TSNARE1: variants seen among roughly 807,000 people sequenced by gnomAD.
The protein encoded by TSNARE1 is t-SNARE domain-containing protein 1.
TSNARE1 carries 49 observed loss-of-function variants against 62.0 expected under a neutral mutation model. That is an observed-to-expected ratio of 0.79 (90% CI 0.63 to 1.00). TSNARE1 has a LOEUF of 1.00. Among genes scored for constraint, TSNARE1 ranks in the 50% least tolerant of loss-of-function variants. The pLI, the probability that TSNARE1 is intolerant of heterozygous loss-of-function variation, is 0.00. For missense variants in TSNARE1, 755 were observed against 700.1 expected (o/e 1.08, Z -0.88); for synonymous variants, 328 against 294.4 (o/e 1.11, Z -1.17).
At chr8:142,327,085 C>T (rs560252800) in intron 6 of TSNARE1, among the ~76,000 whole-genome samples, 2 of 152,304 alleles carry the variant, frequency 1.3e-5, no homozygotes, top group African/African-American at 4.8e-5. Flanking sequence ...CAAAGAGCCA[C>T]CGTATAACCC....
At chr8:142,329,401 G>A (rs548730962) in intron 6 of TSNARE1, among the ~76,000 whole-genome samples, 26 of 152,324 alleles carry the variant, frequency 1.7e-4, no homozygotes, top group South Asian at 1.0e-3. Flanking sequence ...TAACCAGGCC[G>A]GGCGGCCCAG....
chr8:142,327,285 T>C (rs1830405211), intron 6 of TSNARE1, among the ~76,000 whole-genome samples: 1 of 152,012 alleles, frequency 6.6e-6, no homozygotes, highest in South Asian at 2.1e-4. Context: ...AGCTGGTGAA[T>C]AGGTCTGTCC....
At chr8:142,227,863 T>C (rs952429096) in intron 13 of TSNARE1, among the ~76,000 whole-genome samples, 1 of 152,248 alleles carries the variant, frequency 6.6e-6, no homozygotes, top group African/African-American at 2.4e-5. Context: ...AGATAATGGA[T>C]GTACAACACA....
chr8:142,366,239 T>C (rs1835541357), intron 1 of TSNARE1, among the ~76,000 whole-genome samples: 1 of 152,130 alleles, frequency 6.6e-6, no homozygotes, highest in African/African-American at 2.4e-5. Context: ...GGTTTCACCA[T>C]GTTAGCCAAG....
intron 10 of TSNARE1, among the ~76,000 whole-genome samples, chr8:142,288,475 C>T (rs1823159698): frequency 6.6e-6 from 1 of 152,262 alleles, no homozygotes; most frequent in South Asian, 2.1e-4. Context: ...GATTTTCCAT[C>T]TCATCGCCGA....
chr8:142,375,076 G>C (rs1267449076), intron 1 of TSNARE1, among the ~76,000 whole-genome samples: 1 of 152,240 alleles, frequency 6.6e-6, no homozygotes, highest in Non-Finnish European at 1.5e-5. Flanking sequence ...TACCCAACCA[G>C]AAGAAACAGA....
At chr8:142,280,688 C>T (rs1054494669) in intron 11 of TSNARE1, among the ~76,000 whole-genome samples, 3 of 152,150 alleles carry the variant, frequency 2.0e-5, no homozygotes. Flanking sequence ...ACTGGGTGGG[C>T]ACCTGAAGTG....
chr8:142,305,213 G>T (rs996880930), intron 9 of TSNARE1, among the ~76,000 whole-genome samples: 1 of 152,198 alleles, frequency 6.6e-6, no homozygotes, highest in Admixed American at 6.5e-5. Context: ...GGGGGTTTCA[G>T]TGACAGCTCC....
chr8:142,381,424 C>A (rs1271169489), intron 1 of TSNARE1, among the ~76,000 whole-genome samples: 1 of 152,092 alleles, frequency 6.6e-6, no homozygotes, highest in Admixed American at 6.5e-5. Flanking sequence ...CGGCCTCCCC[C>A]TTCCAGCACC....
At position 142,284,500 on chromosome 8, in the gene TSNARE1, T is replaced by C. The variant is rs111785090; in HGVS notation, c.1291-15A>G. The C allele has an allele frequency of 4.0e-5, 64 of 1,610,740 alleles. No homozygotes were observed. In the African/African-American group the frequency reaches 5.3e-4, roughly 13 times the overall value. On this transcript the variant is annotated splice_polypyrimidine_tract_variant and intron_variant, in intron 10 of 13. Transcript: ENST00000524325. Reference sequence around the variant, plus strand: ...AGCAAGTTGCTCTGTGGAAACAACATAGAACCACATCAGGAGCAGGGCTGT... The same window carrying C: ...AGCAAGTTGCTCTGTGGAAACAACACAGAACCACATCAGGAGCAGGGCTGT...
intron 1 of TSNARE1, among the ~76,000 whole-genome samples, chr8:142,384,431 C>A (rs1198559487): frequency 6.6e-6 from 1 of 152,264 alleles, no homozygotes; most frequent in East Asian, 1.9e-4. Context: ...TCAAAACACG[C>A]TACAAAGCTA....
intron 11 of TSNARE1, chr8:142,277,963 T>C (rs999145210): frequency 6.5e-5 from 64 of 985,110 alleles, no homozygotes; most frequent in Non-Finnish European, 7.6e-5. Flanking sequence ...CCAAACCAGG[T>C]CTGCCTCTGC....
chr8:142,227,873 A>C (rs1173702715), intron 13 of TSNARE1, among the ~76,000 whole-genome samples: 1 of 152,236 alleles, frequency 6.6e-6, no homozygotes, highest in East Asian at 1.9e-4. Flanking sequence ...TGTACAACAC[A>C]TGGCCTGGCA....
chr8:142,318,783 C>T, intron 6 of TSNARE1, 149 bp from the exon 7 acceptor site: 1 of 662,004 alleles, frequency 1.5e-6, no homozygotes, highest in Admixed American at 2.6e-5. Flanking sequence ...GGCCGAGAGA[C>T]ACACAGAGAC....
chr8:142,331,043 C>A (rs1830956415), intron 5 of TSNARE1, 73 bp from the exon 6 acceptor site: 1 of 1,357,782 alleles, frequency 7.4e-7, no homozygotes, highest in Non-Finnish European at 1.0e-6. Context: ...TATGGGTGGC[C>A]CCACTGCAGC....
intron 13 of TSNARE1, among the ~76,000 whole-genome samples, chr8:142,222,210 C>T (rs62650711): frequency 3.7e-3 from 82 of 22,232 alleles, no homozygotes; most frequent in Middle Eastern, 0.031. Context: ...ACTCACTCAT[C>T]CGCTCATTCA....
intron 1 of TSNARE1, among the ~76,000 whole-genome samples, chr8:142,377,537 A>G (rs1321211112): frequency 6.6e-6 from 1 of 152,230 alleles, no homozygotes; most frequent in African/African-American, 2.4e-5. Context: ...AGCGTGCAGG[A>G]AGGCAGGCGA....
intron 13 of TSNARE1, among the ~76,000 whole-genome samples, chr8:142,224,898 C>T (rs973091161): frequency 1.3e-5 from 2 of 152,162 alleles, no homozygotes; most frequent in South Asian, 2.1e-4. Flanking sequence ...GGGCAGAGGG[C>T]GGGGCTGGGT....
intron 6 of TSNARE1, among the ~76,000 whole-genome samples, chr8:142,322,845 C>T (rs1017780319): frequency 4.0e-5 from 6 of 150,880 alleles, no homozygotes; most frequent in East Asian, 1.9e-4. Context: ...TACGAAAGGC[C>T]GGCCTGGCCG....
Sources: allele counts gnomAD v4.1 joint callset (sites outside exome capture counted in the v4.1 genomes callset), GRCh38; gene constraint gnomAD v4.1.1; transcripts MANE v1.5; gene names NCBI Gene and HGNC (gene_info 2026-07-23, HGNC 2026-07-21).